Variants in FOCAD observed in about 807,000 individuals in gnomAD.
FOCAD encodes focadhesin.
FOCAD carries 198 observed loss-of-function variants against 225.6 expected under a neutral mutation model. The ratio of observed to expected loss-of-function variants is 0.88; its 90% CI spans 0.78 to 0.99. The LOEUF (loss-of-function observed/expected upper bound fraction) is 0.99, where lower values mean the gene tolerates loss of function less well. Among genes scored for constraint, FOCAD ranks in the 50% least tolerant of loss-of-function variants. FOCAD has a pLI of 0.00. For missense variants in FOCAD, 2,713 were observed against 2,123.6 expected (o/e 1.28, Z -5.46); for synonymous variants, 897 against 755.0 (o/e 1.19, Z -3.08).
At chr9:20,730,395 T>A (rs1201344859) in intron 4 of FOCAD, among the ~76,000 whole-genome samples, 4 of 152,170 alleles carry the variant, frequency 2.6e-5, no homozygotes, top group Non-Finnish European at 4.4e-5. Context: ...ATTCTTTTAT[T>A]TACTAAATTC....
intron 35 of FOCAD, among the ~76,000 whole-genome samples, chr9:20,960,251 G>A (rs1220579294): frequency 6.6e-6 from 1 of 152,170 alleles, no homozygotes; most frequent in Non-Finnish European, 1.5e-5. Flanking sequence ...TCATATTAGA[G>A]TTAGGTGGGT....
chr9:20,946,790 G>A lies in FOCAD; in HGVS notation c.3645G>A (p.Lys1215=). 6.2e-7 allele frequency: 1 copy of A among 1,613,820 alleles called. No homozygotes were observed. Among genetic ancestry groups the A allele is most frequent in the Non-Finnish European group, 8.5e-7 (1 of 1,179,756 alleles). ...CAGAGGCTGAGGATGTTATGAACAA[G>A]CTTCGACTGTTAGTGGAGAATAGCC... ...EATEAEDVMN[K]LRLLVENSQQ... Residue 1215 remains lysine, a synonymous_variant, in exon 30 of 44, where the codon AAG becomes AAA. Transcript: ENST00000338382.
chr9:20,789,719 A>T, intron 11 of FOCAD, 111 bp downstream of exon 11: 4 of 1,291,904 alleles, frequency 3.1e-6, no homozygotes, highest in Non-Finnish European at 3.2e-6. Context: ...TTATGGGTTG[A>T]TGATTTTTTT....
At chr9:20,685,382 A>G (rs558680786) in intron 1 of FOCAD, among the ~76,000 whole-genome samples, 22 of 152,200 alleles carry the variant, frequency 1.4e-4, no homozygotes, top group African/African-American at 4.3e-4. Flanking sequence ...TGTTTCCTGA[A>G]CTGTGTTAAC....
chr9:20,736,405 T>A (rs530551120), intron 4 of FOCAD, among the ~76,000 whole-genome samples: 10 of 152,232 alleles, frequency 6.6e-5, no homozygotes, highest in Non-Finnish European at 1.5e-4. Context: ...TTCAAATTAC[T>A]GTAACCTCTT....
upstream of FOCAD, among the ~76,000 whole-genome samples, chr9:20,680,994 C>T (rs1822383469): frequency 6.6e-6 from 1 of 152,056 alleles, no homozygotes; most frequent in Non-Finnish European, 1.5e-5. Flanking sequence ...TAAGATCCTG[C>T]CTCAAACCAA....
intron 19 of FOCAD, among the ~76,000 whole-genome samples, chr9:20,879,732 T>A (rs1372279939): frequency 6.6e-6 from 1 of 152,170 alleles, no homozygotes; most frequent in Non-Finnish European, 1.5e-5. Flanking sequence ...AACTTAGTAT[T>A]TACGGGAAGA....
chr9:20,790,262 T>C (rs1159348430), intron 11 of FOCAD, among the ~76,000 whole-genome samples: 1 of 152,226 alleles, frequency 6.6e-6, no homozygotes, highest in Non-Finnish European at 1.5e-5. Flanking sequence ...GACTTTTTTT[T>C]TCTCCAATTG....
intron 39 of FOCAD, among the ~76,000 whole-genome samples, chr9:20,983,088 C>T (rs547658071): frequency 2.3e-4 from 35 of 152,262 alleles, no homozygotes; most frequent in African/African-American, 8.4e-4. Context: ...CATCATATGG[C>T]AGTGGTTCTC....
intron 2 of FOCAD, among the ~76,000 whole-genome samples, chr9:20,672,553 C>A (rs1822097617): frequency 6.6e-6 from 1 of 152,210 alleles, no homozygotes; most frequent in Non-Finnish European, 1.5e-5. Context: ...CGGGCTCACG[C>A]CATTCTCCTG....
At chr9:20,820,013 C>G in intron 12 of FOCAD, 113 bp downstream of exon 12, 1 of 595,912 alleles carries the variant, frequency 1.7e-6, no homozygotes, top group Non-Finnish European at 3.0e-6. Flanking sequence ...GTCACTACTT[C>G]TCTTGTTGAG....
At chr9:20,911,919 T>C (rs1306940074) in intron 22 of FOCAD, among the ~76,000 whole-genome samples, 1 of 152,074 alleles carries the variant, frequency 6.6e-6, no homozygotes, top group African/African-American at 2.4e-5. Flanking sequence ...TCCTGATAGT[T>C]AAGAAGATAT....
In FOCAD at chr9:20,821,996, TAAA is replaced by T. The variant is rs58640962; in HGVS notation, c.1793+950_1793+952del. Reference sequence around the variant, plus strand: ...AAAATGACCTCAATGTAAAAGTTACTAAAAAAAAAAAAAAAAAAAAAAAAAAAG... The same window carrying T: ...AAAATGACCTCAATGTAAAAGTTACTAAAAAAAAAAAAAAAAAAAAAAAAG... On this transcript the variant is annotated intron_variant, in intron 14 of 43. Coordinates refer to ENST00000338382, the MANE Select transcript of FOCAD (RefSeq NM_001375567.1). Among the ~76,000 whole-genome samples the T allele has an allele frequency of 9.6e-3, 473 of 49,326 alleles. 2 individuals carry two copies. Among genetic ancestry groups the T allele is most frequent in the Non-Finnish European group, 0.013 (357 of 27,718 alleles). 32.4% of individuals were successfully genotyped at this position (49,326 alleles called of 152,430 possible). A position where few individuals can be genotyped will look rare whatever the true frequency, so the allele number is the denominator to read the frequency against.
At chr9:20,701,692 T>C (rs753406181) in intron 1 of FOCAD, among the ~76,000 whole-genome samples, 5 of 152,198 alleles carry the variant, frequency 3.3e-5, no homozygotes, top group African/African-American at 4.8e-5. Flanking sequence ...ATGTGGGAGA[T>C]GTATTGCTGG....
intron 11 of FOCAD, among the ~76,000 whole-genome samples, chr9:20,803,197 G>A (rs574714726): frequency 1.3e-5 from 2 of 152,074 alleles, no homozygotes; most frequent in African/African-American, 4.8e-5. Flanking sequence ...GGAAATGAGA[G>A]GATAGGTGAA....
At position 20,923,758 on chromosome 9, in the gene FOCAD, G is replaced by A. The variant is rs371521414; in HGVS notation, c.2951G>A (p.Gly984Glu). Residue 984 changes from glycine to glutamate, a missense_variant, in exon 25 of 44, where the codon GGG becomes GAG. Physicochemically the swap from Gly to Glu is moderately conservative, Grantham distance 98. Transcript: ENST00000338382. ...HEASLSSDSD[G>E]LLEVQPNFLS... ...GCCAGCCTCTCCTCAGACTCTGACG[G>A]GCTCCTGGAGGTTAGTTGGGGTGAT... is the stretch of plus-strand genomic sequence containing the variant. 90 of 1,612,822 alleles carry A rather than the reference G, an allele frequency of 5.6e-5. No individual in the cohort carries two copies. Among genetic ancestry groups the A allele is most frequent in the Non-Finnish European group, 7.5e-5 (89 of 1,179,160 alleles).
At chr9:20,983,867 G>T (rs1564242956) in intron 39 of FOCAD, among the ~76,000 whole-genome samples, 1 of 152,162 alleles carries the variant, frequency 6.6e-6, no homozygotes, top group Non-Finnish European at 1.5e-5. Context: ...CCTGGGTCAA[G>T]ATAAGGACTC....
intron 1 of FOCAD, among the ~76,000 whole-genome samples, chr9:20,712,846 T>A (rs553845406): frequency 6.1e-5 from 9 of 146,862 alleles, no homozygotes; most frequent in African/African-American, 2.2e-4. Flanking sequence ...GATTCTCCTA[T>A]CCCAGCCTCC....
At chr9:20,729,391 TC>T (rs1457454701) in intron 4 of FOCAD, among the ~76,000 whole-genome samples, 7 of 152,192 alleles carry the variant, frequency 4.6e-5, no homozygotes, top group African/African-American at 1.7e-4. Context: ...CAATACAGTA[TC>T]CCTGTACTTT....
Sources: allele counts gnomAD v4.1 joint callset (sites outside exome capture counted in the v4.1 genomes callset), GRCh38; gene constraint gnomAD v4.1.1; transcripts MANE v1.5; gene names NCBI Gene and HGNC (gene_info 2026-07-23, HGNC 2026-07-21).